Variants in KCNT2 observed in about 807,000 individuals in gnomAD.
KCNT2 encodes the protein potassium sodium-activated channel subfamily T member 2, also known as potassium channel subfamily T member 2.
A neutral mutation model predicts 153.8 loss-of-function variants in KCNT2; 67 were observed. That is an observed-to-expected ratio of 0.44 (90% CI 0.36 to 0.53). The LOEUF (loss-of-function observed/expected upper bound fraction) is 0.53. Among genes scored for constraint, KCNT2 ranks in the 20% least tolerant of loss-of-function variants. The pLI, the probability that KCNT2 is intolerant of heterozygous loss-of-function variation, is 0.00. For synonymous variants in KCNT2, 500 were observed against 458.8 expected (o/e 1.09, Z -1.15); for missense variants, 975 against 1,354.8 (o/e 0.72, Z 4.40).
At chr1:196,528,491 A>G (rs901482525) in intron 1 of KCNT2, among the ~76,000 whole-genome samples, 8 of 152,130 alleles carry the variant, frequency 5.3e-5, no homozygotes, top group Non-Finnish European at 1.0e-4. Context: ...CTAACTTCTT[A>G]TTTTCCGATG....
Position 196,412,656 on chromosome 1 carries a change from AAT to A in KCNT2, c.1185+10392_1185+10393del, listed in dbSNP as rs550763905. Among the ~76,000 whole-genome samples, 732 of 151,728 alleles carry A rather than the reference AAT, an allele frequency of 4.8e-3. 5 individuals carry two copies. The highest frequency in any genetic ancestry group is 0.017 in the African/African-American group (691 of 41,486). On this transcript the variant is annotated intron_variant, in intron 12 of 27. Transcript: ENST00000294725. ...AGCCCCCTACCCCCCAGCACACACA[AAT>A]GTACAGTATGGTAATCAACACATAA...
chr1:196,273,587 A>G (rs1658276810), intron 25 of KCNT2: 1 of 802,774 alleles, frequency 1.2e-6, no homozygotes, highest in East Asian at 2.8e-5. Context: ...GACAAAATGT[A>G]ACATATACCC....
intron 1 of KCNT2, among the ~76,000 whole-genome samples, chr1:196,577,968 T>C (rs1037535296): frequency 2.0e-5 from 3 of 152,170 alleles, no homozygotes; most frequent in Non-Finnish European, 4.4e-5. Context: ...CTCATGCATG[T>C]TATTTTAAAA....
intron 1 of KCNT2, among the ~76,000 whole-genome samples, chr1:196,520,140 G>A (rs985289775): frequency 1.3e-5 from 2 of 152,066 alleles, no homozygotes; most frequent in Non-Finnish European, 2.9e-5. Context: ...TGGGATTCAA[G>A]GTTGGTTTAA....
At position 196,461,277 on chromosome 1, in the gene KCNT2, T is replaced by C. The variant is rs1677128478; in HGVS notation, c.638+4016A>G. On this transcript the variant is annotated intron_variant, in intron 8 of 27. Coordinates refer to ENST00000294725, the MANE Select transcript of KCNT2 (RefSeq NM_198503.5). ...TTGAATTAAGCATGTTAATCATGTT[T>C]AACATGATCATATTTTTAAACAATA... is the stretch of plus-strand genomic sequence containing the variant. Among the ~76,000 whole-genome samples, 3 of 151,730 alleles carry C rather than the reference T, an allele frequency of 2.0e-5. No individual in the cohort carries two copies. The South Asian group carries it at 6.2e-4, about 31-fold the overall frequency.
intron 1 of KCNT2, among the ~76,000 whole-genome samples, chr1:196,547,467 T>C (rs779104642): frequency 1.3e-5 from 2 of 152,064 alleles, no homozygotes; most frequent in Non-Finnish European, 2.9e-5. Flanking sequence ...GTTCTCATTA[T>C]AGATGACTTG....
chr1:196,239,156 T>C (rs1288643772), intron 26 of KCNT2, among the ~76,000 whole-genome samples: 2 of 151,914 alleles, frequency 1.3e-5, no homozygotes, highest in East Asian at 3.9e-4. Context: ...CAACAGAATC[T>C]ATTTCTTACC....
At chr1:196,483,250 T>G (rs1679156227) in intron 3 of KCNT2, among the ~76,000 whole-genome samples, 1 of 152,188 alleles carries the variant, frequency 6.6e-6, no homozygotes, top group Admixed American at 6.5e-5. Context: ...CTAAATTCAC[T>G]AGCCATCAAA....
At chr1:196,559,820 A>G (rs899493126) in intron 1 of KCNT2, among the ~76,000 whole-genome samples, 13 of 151,742 alleles carry the variant, frequency 8.6e-5, no homozygotes, top group Admixed American at 4.6e-4. Flanking sequence ...TTTTTATAAT[A>G]CAACAATCAA....
At chr1:196,349,402 G>T (rs984051682) in intron 14 of KCNT2, among the ~76,000 whole-genome samples, 1 of 152,104 alleles carries the variant, frequency 6.6e-6, no homozygotes, top group African/African-American at 2.4e-5. Flanking sequence ...GCTCAGGCTT[G>T]TTCTCCCTGG....
intron 1 of KCNT2, among the ~76,000 whole-genome samples, chr1:196,504,542 C>T (rs1456403859): frequency 6.6e-6 from 1 of 152,120 alleles, no homozygotes; most frequent in Non-Finnish European, 1.5e-5. Flanking sequence ...CTGCAATAAA[C>T]ATACATGTGC....
At chr1:196,260,940 T>C (rs751604612) in intron 25 of KCNT2, among the ~76,000 whole-genome samples, 8 of 151,842 alleles carry the variant, frequency 5.3e-5, no homozygotes, top group Non-Finnish European at 1.2e-4. Flanking sequence ...ATAATATCAT[T>C]AATATATCCT....
At chr1:196,521,773 A>T (rs1653453255) in intron 1 of KCNT2, among the ~76,000 whole-genome samples, 1 of 152,098 alleles carries the variant, frequency 6.6e-6, no homozygotes, top group Non-Finnish European at 1.5e-5. Flanking sequence ...AGAGGGAAAC[A>T]ATAGACACTA....
At chr1:196,432,328 A>G (rs1674235901) in intron 8 of KCNT2, among the ~76,000 whole-genome samples, 1 of 152,140 alleles carries the variant, frequency 6.6e-6, no homozygotes, top group Non-Finnish European at 1.5e-5. Context: ...GTCCCCAACT[A>G]GAGCAATGCC....
intron 1 of KCNT2, among the ~76,000 whole-genome samples, chr1:196,552,327 C>T (rs1658023966): frequency 6.6e-6 from 1 of 151,348 alleles, no homozygotes; most frequent in Non-Finnish European, 1.5e-5. Context: ...TTTGTGAAAT[C>T]ATGAGTTTCT....
At chr1:196,508,341 C>A (rs1681332354) in intron 1 of KCNT2, among the ~76,000 whole-genome samples, 1 of 151,554 alleles carries the variant, frequency 6.6e-6, no homozygotes. Context: ...GACCTTTGAA[C>A]AGTGAAAGTA....
At chr1:196,593,330 A>T (rs1663638967) in intron 1 of KCNT2, among the ~76,000 whole-genome samples, 2 of 148,644 alleles carry the variant, frequency 1.3e-5, no homozygotes, top group Non-Finnish European at 3.0e-5. Context: ...ACACACACAC[A>T]CACACACACA....
chr1:196,350,962 T>C (rs1438046831), intron 14 of KCNT2, among the ~76,000 whole-genome samples: 1 of 152,202 alleles, frequency 6.6e-6, no homozygotes, highest in Non-Finnish European at 1.5e-5. Flanking sequence ...AAACAGGGAA[T>C]CCTTTCCCCA....
At chr1:196,584,408 A>G (rs1662427489) in intron 1 of KCNT2, among the ~76,000 whole-genome samples, 1 of 152,094 alleles carries the variant, frequency 6.6e-6, no homozygotes. Flanking sequence ...AGCTTTTATT[A>G]AAAAGATTCT....
Sources: gnomAD v4.1 joint callset for allele counts (sites outside exome capture counted in the v4.1 genomes callset) on GRCh38, gnomAD v4.1.1 for gene constraint, MANE v1.5 for transcripts, NCBI Gene and HGNC (gene_info 2026-07-23, HGNC 2026-07-21) for gene names.